The following DOCK9 variants were observed in gnomAD, a reference collection of about 807,000 sequenced individuals.
DOCK9 encodes the protein dedicator of cytokinesis protein 9.
DOCK9 carries 89 observed loss-of-function variants against 263.3 expected under a neutral mutation model. The ratio of observed to expected loss-of-function variants is 0.34; its 90% confidence interval spans 0.28 to 0.40. DOCK9 has a LOEUF of 0.40. Among genes scored for constraint, DOCK9 ranks in the 10% least tolerant of loss-of-function variants. The pLI is 1.00. For synonymous variants in DOCK9, 976 were observed against 973.1 expected (o/e 1.00, Z -0.06); for missense variants, 2,140 against 2,603.4 (o/e 0.82, Z 3.87).
At chr13:98,934,510 A>C (rs1269906816) in intron 2 of DOCK9, among the ~76,000 whole-genome samples, 2 of 152,226 alleles carry the variant, frequency 1.3e-5, no homozygotes, top group Non-Finnish European at 2.9e-5. Context: ...TTATTGTCTT[A>C]AGTTACGAAG....
At chr13:98,872,558 C>T (rs1313538988) in intron 27 of DOCK9, among the ~76,000 whole-genome samples, 1 of 152,142 alleles carries the variant, frequency 6.6e-6, no homozygotes, top group Non-Finnish European at 1.5e-5. Flanking sequence ...AGGCATGTGT[C>T]ACCATGCCCA....
intron 1 of DOCK9, among the ~76,000 whole-genome samples, chr13:98,963,017 G>T (rs766459270): frequency 5.9e-5 from 9 of 152,310 alleles, no homozygotes; most frequent in East Asian, 1.9e-4. Flanking sequence ...GGGTTATGTG[G>T]CATGATCAGA....
chr13:99,015,680 G>A lies in DOCK9; in HGVS notation c.130-60129C>T, dbSNP rs139217008. The A allele has an allele frequency of 1.4e-4, 216 of 1,492,156 alleles. No homozygotes were observed. In the East Asian group the frequency reaches 4.5e-3, roughly 31 times the overall value. The allele number at this position is 1,492,156 out of a possible 1,614,324, so 92.4% of individuals were successfully genotyped here. Reference sequence around the variant, plus strand: ...CCACATCCTCTTCCTTGGCTCTTCCGAAACAGGCTCCCACTGTACCATCTT... The same window carrying A: ...CCACATCCTCTTCCTTGGCTCTTCCAAAACAGGCTCCCACTGTACCATCTT... On this transcript the variant is annotated intron_variant, in intron 1 of 32. Transcript: ENST00000427887.
upstream of DOCK9, among the ~76,000 whole-genome samples, chr13:98,979,242 G>A (rs61968892): frequency 0.073 from 9,991 of 136,044 alleles, 429 homozygotes; most frequent in African/African-American, 0.099. Context: ...CAGCAGCGGC[G>A]GCAGCAGCAG....
intron 19 of DOCK9, among the ~76,000 whole-genome samples, chr13:98,886,318 A>G (rs1421785023): frequency 2.6e-5 from 4 of 152,194 alleles, no homozygotes; most frequent in Non-Finnish European, 1.5e-5. Context: ...TCTTTTCTGT[A>G]TTATCTGCAT....
chr13:98,826,346 T>G (rs1238939872), intron 44 of DOCK9, among the ~76,000 whole-genome samples: 1 of 151,888 alleles, frequency 6.6e-6, no homozygotes, highest in African/African-American at 2.4e-5. Flanking sequence ...AAACGGAGAG[T>G]GCACAAATGA....
intron 9 of DOCK9, among the ~76,000 whole-genome samples, chr13:98,905,929 C>T (rs1308561779): frequency 6.6e-6 from 1 of 152,136 alleles, no homozygotes; most frequent in Non-Finnish European, 1.5e-5. Flanking sequence ...CCCAGAGGCC[C>T]ACAATGTCTT....
intron 5 of DOCK9, 91 bp downstream of exon 5, chr13:98,923,211 G>T: frequency 3.1e-6 from 4 of 1,283,310 alleles, no homozygotes; most frequent in Non-Finnish European, 3.4e-6. Flanking sequence ...TTGGCTAAAT[G>T]TCGGTAATTT....
chr13:98,849,576 A>T (rs1414685238), intron 36 of DOCK9, among the ~76,000 whole-genome samples: 1 of 152,200 alleles, frequency 6.6e-6, no homozygotes, highest in Non-Finnish European at 1.5e-5. Flanking sequence ...TTGTAAATTC[A>T]CGTTTCTAAA....
intron 2 of DOCK9, among the ~76,000 whole-genome samples, chr13:98,932,199 C>G (rs946397000): frequency 1.3e-5 from 2 of 152,014 alleles, no homozygotes; most frequent in Admixed American, 6.5e-5. Flanking sequence ...TCCAGACCAG[C>G]CTGGCCAACA....
intron 1 of DOCK9, among the ~76,000 whole-genome samples, chr13:99,032,191 C>T (rs1050754713): frequency 1.3e-5 from 2 of 152,152 alleles, no homozygotes; most frequent in African/African-American, 4.8e-5. Flanking sequence ...TGATTCCAGG[C>T]TGGGTGCGGT....
chr13:98,796,232 A>G (rs371569065), intron 52 of DOCK9: 660 of 1,583,884 alleles, frequency 4.2e-4, no homozygotes, highest in Non-Finnish European at 5.3e-4. Context: ...GTTAGCATGG[A>G]GGAGAAAAAA....
intron 1 of DOCK9, among the ~76,000 whole-genome samples, chr13:99,060,143 G>C (rs907786474): frequency 1.5e-5 from 2 of 131,136 alleles, no homozygotes; most frequent in Admixed American, 1.8e-4. Context: ...GCATGATCTC[G>C]GCTCACTGCA....
intron 1 of DOCK9, among the ~76,000 whole-genome samples, chr13:98,994,557 A>C (rs374995367): frequency 5.3e-5 from 8 of 152,194 alleles, no homozygotes; most frequent in Non-Finnish European, 1.2e-4. Flanking sequence ...TTCTGTGACA[A>C]AGGAATGTGT....
intron 3 of DOCK9, among the ~76,000 whole-genome samples, chr13:98,928,650 G>A (rs530604519): frequency 6.6e-6 from 1 of 152,178 alleles, no homozygotes; most frequent in Non-Finnish European, 1.5e-5. Flanking sequence ...TTTCAGCTTT[G>A]AGGGTCATAT....
At chr13:99,028,987 T>C (rs1887060495) in intron 1 of DOCK9, among the ~76,000 whole-genome samples, 2 of 152,168 alleles carry the variant, frequency 1.3e-5, no homozygotes, top group African/African-American at 4.8e-5. Flanking sequence ...TCTGAAACCA[T>C]ATTTCTGTTT....
At chr13:98,802,930 G>C (rs1234687048) in intron 49 of DOCK9, among the ~76,000 whole-genome samples, 1 of 151,888 alleles carries the variant, frequency 6.6e-6, no homozygotes, top group Non-Finnish European at 1.5e-5. Context: ...AATGAAGAAC[G>C]CTCTTTCCCT....
chr13:98,802,856 G>T (rs1036664626), intron 49 of DOCK9, among the ~76,000 whole-genome samples: 4 of 152,214 alleles, frequency 2.6e-5, no homozygotes, highest in African/African-American at 7.2e-5. Context: ...AAAACCCTCA[G>T]GTCTAGCCTT....
At chr13:98,925,025 G>A (rs1178944988) in intron 4 of DOCK9, among the ~76,000 whole-genome samples, 3 of 152,024 alleles carry the variant, frequency 2.0e-5, no homozygotes, top group Non-Finnish European at 4.4e-5. Flanking sequence ...TTAGCCGGGC[G>A]TGGTGGCAAG....
Sources: allele counts gnomAD v4.1 joint callset (sites outside exome capture counted in the v4.1 genomes callset), GRCh38; gene constraint gnomAD v4.1.1; transcripts MANE v1.5; gene names NCBI Gene and HGNC (gene_info 2026-07-23, HGNC 2026-07-21).